The following CHD3 variants were observed in gnomAD, a reference collection of about 807,000 sequenced individuals.
The protein encoded by CHD3 is chromodomain helicase DNA binding protein 3.
CHD3 carries 52 observed loss-of-function variants against 248.9 expected under a neutral mutation model. That is an observed-to-expected ratio of 0.21 (90% CI 0.17 to 0.26). The LOEUF is 0.26. CHD3 is among the 10% of genes least tolerant of loss of function. The pLI is 1.00. For synonymous variants in CHD3, 985 were observed against 985.2 expected, an observed-to-expected ratio of 1.00 and a Z score of 0.00; for missense variants, 1,482 against 2,605.8, an observed-to-expected ratio of 0.57 and a Z score of 9.39.
Position 7,895,568 on chromosome 17 carries a change from C to A in CHD3, c.1707+26C>A. 1 of 1,583,834 alleles carries A rather than the reference C, an allele frequency of 6.3e-7. No homozygotes were observed. The highest frequency in any genetic ancestry group is 1.1e-5 in the South Asian group (1 of 90,290). On this transcript the variant is annotated intron_variant, in intron 10 of 39. Transcript: ENST00000330494. The surrounding 1 kb of genome is among the most constrained non-coding windows in gnomAD (Gnocchi z 4.9). Reference sequence around the variant, plus strand: ...GTACTAGGACCTTTTCTTTCCCTCTCCCCCATGACCTCATTTCCTGCCATC... The same window carrying A: ...GTACTAGGACCTTTTCTTTCCCTCTACCCCATGACCTCATTTCCTGCCATC...
Position 7,905,191 on chromosome 17 carries a change from C to T in CHD3, c.4138+26C>T, listed in dbSNP as rs760336507. The T allele has an allele frequency of 1.4e-5, 22 of 1,603,192 alleles. No homozygotes were observed. Among genetic ancestry groups the T allele is most frequent in the East Asian group, 2.2e-5 (1 of 44,844 alleles). On this transcript the variant is annotated intron_variant, in intron 26 of 39. Coordinates refer to ENST00000330494, the MANE Select transcript of CHD3 (RefSeq NM_001005273.3). This position sits in a 1 kb window ranked among gnomAD's most constrained non-coding sequence, Gnocchi z 5.8. ...GTGGCATCTGTGTTCCTGACTCTAC[C>T]TCACCTCTTCCCGTTTTATTTTCCA...
Position 7,900,103 on chromosome 17 carries a change from A to T in CHD3, c.2682+70A>T. 6.5e-7 allele frequency: 1 copy of T among 1,543,734 alleles called. No homozygotes were observed. Among genetic ancestry groups the T allele is most frequent in the Non-Finnish European group, 8.7e-7 (1 of 1,143,682 alleles). ...CCCACTTGCCTTGGTCCTAAAAAAC[A>T]ACAAAAATTCTGGGGATTTTCTGTA... On this transcript the variant is annotated intron_variant, in intron 16 of 39. Coordinates refer to ENST00000330494, the MANE Select transcript of CHD3 (RefSeq NM_001005273.3). The surrounding 1 kb of genome is among the most constrained non-coding windows in gnomAD (Gnocchi z 6.5).
Position 7,910,753 on chromosome 17 carries a change from A to G in CHD3, c.5755-94A>G. Reference sequence around the variant, plus strand: ...CCTGCCTGTGTATCCTACCCTTAGCAGTTGTGGAGTGTGGCTCATAATGTC... The same window carrying G: ...CCTGCCTGTGTATCCTACCCTTAGCGGTTGTGGAGTGTGGCTCATAATGTC... On this transcript the variant is annotated intron_variant, in intron 38 of 39. Transcript: ENST00000330494. This position sits in a 1 kb window ranked among gnomAD's most constrained non-coding sequence, Gnocchi z 4.7. 6.6e-7 allele frequency: 1 copy of G among 1,524,974 alleles called. No homozygotes were observed. The highest frequency in any genetic ancestry group is 2.3e-5 in the East Asian group (1 of 44,224). The allele number at this position is 1,524,974 out of a possible 1,614,324, so 94.5% of individuals were successfully genotyped here.
intron 20 of CHD3, among the ~76,000 whole-genome samples, chr17:7,901,699 C>T (rs544341173): frequency 1.3e-4 from 19 of 151,958 alleles, no homozygotes; most frequent in African/African-American, 3.4e-4. Flanking sequence ...TTAGTAGAGA[C>T]GGGATTTCAC....
rs1969474718 is a variant in CHD3, at chr17:7,895,214, G to A, written c.1503+64G>A. The A allele has an allele frequency of 3.1e-6, 5 of 1,587,436 alleles. No individual in the cohort carries two copies. The highest frequency in any genetic ancestry group is 2.2e-5 in the East Asian group (1 of 44,582). ...CCTGATCCCTTCCCCCATCCCTGGG[G>A]CCCACATGTCCAGCTTTTCATTTCT... On this transcript the variant is annotated intron_variant, in intron 9 of 39. Transcript: ENST00000330494. This position sits in a 1 kb window ranked among gnomAD's most constrained non-coding sequence, Gnocchi z 4.9.
rs762569353 is a variant in CHD3, at chr17:7,907,585, C to T, written c.4925-16C>T. 15 of 1,512,166 alleles carry T rather than the reference C, an allele frequency of 9.9e-6. 1 individual carries two copies. In the South Asian group the frequency reaches 1.7e-4, roughly 18 times the overall value. 93.7% of individuals were successfully genotyped at this position (1,512,166 alleles called of 1,614,324 possible). ...GGGTAACATCCTCCCTTCCTATCCC[C>T]TACCCCCTCCCACAGCCACAGAGTC... is the stretch of plus-strand genomic sequence containing the variant. On this transcript the variant is annotated splice_polypyrimidine_tract_variant and intron_variant, in intron 32 of 39. Transcript: ENST00000330494. This position sits in a 1 kb window ranked among gnomAD's most constrained non-coding sequence, Gnocchi z 4.3.
At position 7,900,478 on chromosome 17, in the gene CHD3, G is replaced by C; in HGVS notation, c.2804+67G>C. On this transcript the variant is annotated intron_variant, in intron 17 of 39. Coordinates refer to ENST00000330494, the MANE Select transcript of CHD3 (RefSeq NM_001005273.3). This position sits in a 1 kb window ranked among gnomAD's most constrained non-coding sequence, Gnocchi z 6.5. Reference sequence around the variant, plus strand: ...GAGCAGATAAAATGAGCTGGTAGAGGATTAATCTGAGGTGGTAAGTCTGAG... The same window carrying C: ...GAGCAGATAAAATGAGCTGGTAGAGCATTAATCTGAGGTGGTAAGTCTGAG... 1 of 1,612,208 alleles carries C rather than the reference G, an allele frequency of 6.2e-7. No individual in the cohort carries two copies.
rs575941947 is a variant in CHD3 at position 7,911,348 on chromosome 17, C to T, written c.5882-116C>T. Reference sequence around the variant, plus strand: ...GTTTGCCCGGGTCTTCCCTCCCTCACGTGGGACAACGGGAAGTGGCAGGAG... The same window carrying T: ...GTTTGCCCGGGTCTTCCCTCCCTCATGTGGGACAACGGGAAGTGGCAGGAG... On this transcript the variant is annotated intron_variant, in intron 39 of 39. Transcript: ENST00000330494. The surrounding 1 kb of genome is among the most constrained non-coding windows in gnomAD (Gnocchi z 5.4). 59 of 1,520,220 alleles carry T rather than the reference C, an allele frequency of 3.9e-5. No individual in the cohort carries two copies. Among genetic ancestry groups the T allele is most frequent in the East Asian group, 1.1e-4 (5 of 44,410 alleles). The allele number at this position is 1,520,220 out of a possible 1,614,324, so 94.2% of individuals were successfully genotyped here. A position where few individuals can be genotyped will look rare whatever the true frequency, so the allele number is the denominator to read the frequency against.
In CHD3 at chr17:7,894,967, A is replaced by G; in HGVS notation, c.1320A>G (p.Glu440=). ...WEAKEEEEEY[E]EEGEEEGEKE... ...CCAAGGAGGAAGAAGAAGAATACGA[A>G]GAGGAGGGAGAGGAAGAAGGGGAGA... Residue 440 remains glutamate, a synonymous_variant, in exon 9 of 40, where the codon GAA becomes GAG. Coordinates refer to ENST00000330494, the MANE Select transcript of CHD3 (RefSeq NM_001005273.3). 1 of 1,613,578 alleles carries G rather than the reference A, an allele frequency of 6.2e-7. No individual in the cohort carries two copies. Among genetic ancestry groups the G allele is most frequent in the Non-Finnish European group, 8.5e-7 (1 of 1,179,724 alleles).
At chr17:7,893,166 A>G (rs1969129169) in intron 4 of CHD3, 120 bp from the exon 5 acceptor site, 3 of 1,337,616 alleles carry the variant, frequency 2.2e-6, no homozygotes, top group African/African-American at 1.5e-5. Flanking sequence ...TTTTCCTAAT[A>G]GGACATATTC....
chr17:7,897,965 C>T lies in CHD3; in HGVS notation c.1920-6C>T. On this transcript the variant is annotated splice_polypyrimidine_tract_variant and splice_region_variant and intron_variant, in intron 11 of 39. Transcript: ENST00000330494. This position sits in a 1 kb window ranked among gnomAD's most constrained non-coding sequence, Gnocchi z 4.8. ...CTGCTCCTCCCCATGGCCTCCTGCC[C>T]CACAGTGTGGATAAAAAGGGGAATT... 1.2e-6 allele frequency: 2 copies of T among 1,613,136 alleles called. No individual in the cohort carries two copies. The highest frequency in any genetic ancestry group is 1.7e-6 in the Non-Finnish European group (2 of 1,179,510).
chr17:7,906,305 A>G lies in CHD3; in HGVS notation c.4359-248A>G, dbSNP rs759171916. 2 of 680,262 alleles carry G rather than the reference A, an allele frequency of 2.9e-6. No homozygotes were observed. The highest frequency in any genetic ancestry group is 5.3e-6 in the Non-Finnish European group (2 of 378,470). The allele number at this position is 680,262 out of a possible 1,614,324, so 42.1% of individuals were successfully genotyped here. On this transcript the variant is annotated intron_variant, in intron 28 of 39. Transcript: ENST00000330494. The surrounding 1 kb of genome is among the most constrained non-coding windows in gnomAD (Gnocchi z 5.0). ...GCAGGAGGAGCTGGTGGAAAGGATG[A>G]AGAGCTGACTGATGGGGCCCAGGAA...
In CHD3 at chr17:7,895,848, T is replaced by A. The variant is rs946041509; in HGVS notation, c.1707+306T>A. Among the ~76,000 whole-genome samples the A allele has an allele frequency of 6.6e-6, 1 of 152,192 alleles. No homozygotes were observed. Among genetic ancestry groups the A allele is most frequent in the Non-Finnish European group, 1.5e-5 (1 of 68,030 alleles). On this transcript the variant is annotated intron_variant, in intron 10 of 39. Transcript: ENST00000330494. This position sits in a 1 kb window ranked among gnomAD's most constrained non-coding sequence, Gnocchi z 4.9. ...GGCTGGGCATGGTGGCTCACACCTA[T>A]AATCCTAGCACTTTGGGAGGCCAAG...
In CHD3 at chr17:7,906,648, G is replaced by A. The variant is rs775142325; in HGVS notation, c.4454G>A (p.Arg1485His). ...GGGGTCCCTCGGGAGGGACTGAGTC[G>A]CCAGCAGGTGTTGACCCGCATTGGA... is the stretch of plus-strand genomic sequence containing the variant. The part of the protein sequence containing the change: ...ADGVPREGLS[R>H]QQVLTRIGVM... The change falls in exon 29 of 40, where the codon CGC becomes CAC. Residue 1485 changes from arginine to histidine, a missense_variant. By Grantham distance (29) the Arg-to-His change is conservative (BLOSUM62 0). Around this residue, in one of 20 missense-constraint regions of CHD3, gnomAD observed 156 missense variants for 420.3 expected, o/e 0.37. Transcript: ENST00000330494. The surrounding 1 kb of genome is among the most constrained non-coding windows in gnomAD (Gnocchi z 5.0). The A allele has an allele frequency of 1.9e-6, 3 of 1,613,288 alleles. No homozygotes were observed. The highest frequency in any genetic ancestry group is 1.1e-5 in the South Asian group (1 of 90,988).
rs1970955343 is a variant in CHD3, at chr17:7,906,387, G to T, written c.4359-166G>T. ...GGGTGGGGCGCAGGGGGACAGTTAGGACTTGGAGGGCTGGTAATGGTGAGA... is the reference window on the plus strand; with the variant it reads ...GGGTGGGGCGCAGGGGGACAGTTAGTACTTGGAGGGCTGGTAATGGTGAGA... On this transcript the variant is annotated intron_variant, in intron 28 of 39. Coordinates refer to ENST00000330494, the MANE Select transcript of CHD3 (RefSeq NM_001005273.3). This position sits in a 1 kb window ranked among gnomAD's most constrained non-coding sequence, Gnocchi z 5.0. The T allele has an allele frequency of 2.8e-6, 2 of 726,356 alleles. No homozygotes were observed. The highest frequency in any genetic ancestry group is 4.7e-6 in the Non-Finnish European group (2 of 426,374). The allele number at this position is 726,356 out of a possible 1,614,324, so 45.0% of individuals were successfully genotyped here. A position where few individuals can be genotyped will look rare whatever the true frequency, so the allele number is the denominator to read the frequency against.
At position 7,900,812 on chromosome 17, in the gene CHD3, T is replaced by C; in HGVS notation, c.2979-40T>C. ...CAAGTGCAATATCATAATTGCTTCC[T>C]TTATTTATGTTTCTTTTACACCCCT... On this transcript the variant is annotated intron_variant, in intron 18 of 39. Coordinates refer to ENST00000330494, the MANE Select transcript of CHD3 (RefSeq NM_001005273.3). This position sits in a 1 kb window ranked among gnomAD's most constrained non-coding sequence, Gnocchi z 6.5. The C allele has an allele frequency of 6.2e-7, 1 of 1,611,732 alleles. No individual in the cohort carries two copies. The highest frequency in any genetic ancestry group is 8.5e-7 in the Non-Finnish European group (1 of 1,178,350).
intron 13 of CHD3, 69 bp from the exon 14 acceptor site, chr17:7,898,942 G>A (rs1970003626): frequency 7.4e-7 from 1 of 1,358,726 alleles, no homozygotes; most frequent in Middle Eastern, 2.0e-4. Flanking sequence ...CCATGCCAGG[G>A]AGGAAGAGAC....
chr17:7,884,878 G>A, upstream of CHD3: 2 of 1,332,598 alleles, frequency 1.5e-6, no homozygotes, highest in Admixed American at 2.3e-5. Flanking sequence ...AAGAAGAGGA[G>A]GAAGAAGAGG....
chr17:7,906,742 T>G lies in CHD3; in HGVS notation c.4503+45T>G. 2 of 1,584,886 alleles carry G rather than the reference T, an allele frequency of 1.3e-6. No homozygotes were observed. Among genetic ancestry groups the G allele is most frequent in the South Asian group, 2.3e-5 (2 of 86,168 alleles). On this transcript the variant is annotated intron_variant, in intron 29 of 39. Transcript: ENST00000330494. The surrounding 1 kb of genome is among the most constrained non-coding windows in gnomAD (Gnocchi z 5.0). ...CCAAAGAATCAAGCTGGCTGCCTAG[T>G]CTCTGTCCTTCCTCTGCCTCTGTCC...
Sources: gnomAD v4.1 joint callset for allele counts (sites outside exome capture counted in the v4.1 genomes callset) on GRCh38, gnomAD v4.1.1 for gene constraint, gnomAD v4.1.1 regional missense constraint, Gnocchi (gnomAD v3.1) non-coding constraint, MANE v1.5 for transcripts, NCBI Gene and HGNC (gene_info 2026-07-23, HGNC 2026-07-21) for gene names.